EMID1: variants seen among roughly 807,000 people sequenced by gnomAD.
EMID1 encodes EMI domain-containing protein 1.
Under a neutral mutation model 60.6 loss-of-function variants are expected in EMID1, and 40 were observed. That is an observed-to-expected ratio of 0.66 (90% CI 0.51 to 0.86). The LOEUF (loss-of-function observed/expected upper bound fraction) is 0.86. EMID1 is among the 40% of genes least tolerant of loss of function. EMID1 has a pLI of 0.00. For synonymous variants in EMID1, 242 were observed against 231.0 expected (o/e 1.05, Z -0.43); for missense variants, 585 against 597.1 (o/e 0.98, Z 0.21).
intron 13 of EMID1, among the ~76,000 whole-genome samples, chr22:29,253,582 C>G (rs2041600546): frequency 6.6e-6 from 1 of 150,714 alleles, no homozygotes; most frequent in Non-Finnish European, 1.5e-5. Context: ...AACTTCGTCT[C>G]AAAAAAAAAT....
rs895963119 is a variant in EMID1 at position 29,226,490 on chromosome 22, G to A, written c.404G>A (p.Gly135Asp). The A allele has an allele frequency of 5.6e-6, 9 of 1,611,492 alleles. No individual in the cohort carries two copies. In the African/African-American group the frequency reaches 9.3e-5, roughly 17 times the overall value. The part of the protein sequence containing the change: ...RMALRPTAFS[G>D]CLNCSKVSEL... ...GCCCCAGCTTCCTCCCTCCCCGCAGGTTGTCTCAACTGCAGCAAAGTGTCA... is the reference window on the plus strand; with the variant it reads ...GCCCCAGCTTCCTCCCTCCCCGCAGATTGTCTCAACTGCAGCAAAGTGTCA... Residue 135 changes from glycine to aspartate, a missense_variant and splice_region_variant, in exon 5 of 15, where the codon GGT becomes GAT. Gly to Asp is a moderately conservative substitution (Grantham distance 94). Transcript: ENST00000334018.
At chr22:29,225,779 C>G (rs2040483373) in intron 4 of EMID1, among the ~76,000 whole-genome samples, 1 of 152,226 alleles carries the variant, frequency 6.6e-6, no homozygotes, top group South Asian at 2.1e-4. Flanking sequence ...GGGTGACACT[C>G]CCGTGAGGAG....
intron 1 of EMID1, among the ~76,000 whole-genome samples, chr22:29,210,441 G>A (rs901510571): frequency 1.3e-5 from 2 of 151,882 alleles, no homozygotes; most frequent in Non-Finnish European, 2.9e-5. Flanking sequence ...TCTCCATGTT[G>A]GTCAGGCTGG....
intron 12 of EMID1, among the ~76,000 whole-genome samples, chr22:29,236,536 C>T (rs2040955150): frequency 1.3e-5 from 2 of 151,888 alleles, no homozygotes; most frequent in South Asian, 4.2e-4. Context: ...ACTAAAAACA[C>T]AAAAATTAGC....
intron 14 of EMID1, chr22:29,255,206 T>TGG: frequency 1.5e-5 from 5 of 341,104 alleles, no homozygotes; most frequent in Non-Finnish European, 2.6e-5. Flanking sequence ...CCTCCCCGCT[T>TGG]GGCTCCCCAG....
chr22:29,215,714 A>G, intron 3 of EMID1, 84 bp downstream of exon 3: 3 of 1,093,450 alleles, frequency 2.7e-6, no homozygotes, highest in Non-Finnish European at 4.2e-6. Context: ...TGAACTATTA[A>G]GAGAGTCATG....
In EMID1 at chr22:29,233,283, A is replaced by G; in HGVS notation, c.824-96A>G. On this transcript the variant is annotated intron_variant, in intron 8 of 14. Transcript: ENST00000334018. ...TACCAGCCATGCTGCAGGCTGCCCC[A>G]TAGGGCAGTCCAAGCTGTCTTGGCA... The G allele has an allele frequency of 2.2e-6, 3 of 1,344,996 alleles. No homozygotes were observed. In the Admixed American group the frequency reaches 5.1e-5, roughly 23 times the overall value. 83.3% of individuals were successfully genotyped at this position (1,344,996 alleles called of 1,614,324 possible). A position where few individuals can be genotyped will look rare whatever the true frequency, so the allele number is the denominator to read the frequency against.
Position 29,214,935 on chromosome 22 carries a change from CTCCTATGTGG to C in EMID1, c.113_122del (p.Ser38Ter). The C allele has an allele frequency of 6.5e-7, 1 of 1,527,226 alleles. No individual in the cohort carries two copies. The highest frequency in any genetic ancestry group is 8.9e-7 in the Non-Finnish European group (1 of 1,129,252). The allele number at this position is 1,527,226 out of a possible 1,614,324, so 94.6% of individuals were successfully genotyped here. A position where few individuals can be genotyped will look rare whatever the true frequency, so the allele number is the denominator to read the frequency against. On this transcript the variant is annotated frameshift_variant, in exon 2 of 15. Transcript: ENST00000334018. LOFTEE classifies it high-confidence loss of function. ...TTTGGGTCTGTTTCAGGAACTGGTGCTCCTATGTGGTGACCCGCACCATCTCATGCCATGT... is the reference window on the plus strand; with the variant it reads ...TTTGGGTCTGTTTCAGGAACTGGTGCTGACCCGCACCATCTCATGCCATGT...
At chr22:29,257,136 C>G (rs1025357686) in intron 14 of EMID1, among the ~76,000 whole-genome samples, 2 of 152,184 alleles carry the variant, frequency 1.3e-5, no homozygotes, top group African/African-American at 2.4e-5. Context: ...GTGCCAGACA[C>G]CTCAGAAGTC....
intron 14 of EMID1, among the ~76,000 whole-genome samples, 179 bp from the exon 15 acceptor site, chr22:29,258,638 T>C (rs1397099775): frequency 6.6e-6 from 1 of 152,212 alleles, no homozygotes. Flanking sequence ...TGGTAAGTCC[T>C]GGCGTGAGGC....
chr22:29,220,122 C>A (rs2040237461), intron 3 of EMID1, among the ~76,000 whole-genome samples: 1 of 152,062 alleles, frequency 6.6e-6, no homozygotes. Context: ...TGAACCTCAC[C>A]CTCCTTCTGT....
chr22:29,233,466 T>C lies in EMID1; in HGVS notation c.911T>C (p.Met304Thr). ...GGGCCTCCAGGCCCTCCAGGGCCCA[T>C]GGGTAAGTTGAGTCCAGGCCAGGGG... ...PTGPPGPPGP[M>T]GPPGPPGPTG... is the part of the protein sequence containing the mutation. Residue 304 changes from methionine (M) to threonine (T), a missense_variant and splice_region_variant, in exon 9 of 15, where the codon ATG becomes ACG. Transcript: ENST00000334018. 6.2e-7 allele frequency: 1 copy of C among 1,613,610 alleles called. No homozygotes were observed. Among genetic ancestry groups the C allele is most frequent in the Non-Finnish European group, 8.5e-7 (1 of 1,179,566 alleles).
intron 3 of EMID1, among the ~76,000 whole-genome samples, chr22:29,224,252 A>G (rs541566048): frequency 2.6e-5 from 4 of 152,300 alleles, no homozygotes; most frequent in South Asian, 4.1e-4. Flanking sequence ...CCGAGCTGCC[A>G]GGCCCGCGCC....
intron 12 of EMID1, among the ~76,000 whole-genome samples, chr22:29,236,453 G>A (rs1187053474): frequency 6.6e-6 from 1 of 152,146 alleles, no homozygotes; most frequent in Admixed American, 6.5e-5. Flanking sequence ...CACTTTGGGA[G>A]GTGGAGGCAG....
At chr22:29,246,397 C>T (rs73401064) in intron 13 of EMID1, among the ~76,000 whole-genome samples, 2,200 of 151,912 alleles carry the variant, frequency 0.014, 56 homozygotes, top group African/African-American at 0.051. Flanking sequence ...ATTGCCATGG[C>T]GAATGGATGG....
chr22:29,215,052 G>GAGA lies in EMID1; in HGVS notation c.215+16_215+18dup. ...GTCCGGGGAGCAGGTAAATGAGGTGGAGAAGGAACTGATGGCATTCCAGGT... is the reference window on the plus strand; with the variant it reads ...GTCCGGGGAGCAGGTAAATGAGGTGGAGAAGAAGGAACTGATGGCATTCCAGGT... On this transcript the variant is annotated intron_variant, in intron 2 of 14. Coordinates refer to ENST00000334018, the MANE Select transcript of EMID1 (RefSeq NM_133455.4). 1.3e-6 allele frequency: 2 copies of GAGA among 1,524,802 alleles called. No individual in the cohort carries two copies. Among genetic ancestry groups the GAGA allele is most frequent in the Non-Finnish European group, 1.8e-6 (2 of 1,129,000 alleles). The allele number at this position is 1,524,802 out of a possible 1,614,324, so 94.5% of individuals were successfully genotyped here.
At chr22:29,218,264 A>G (rs941205755) in intron 3 of EMID1, among the ~76,000 whole-genome samples, 1 of 152,182 alleles carries the variant, frequency 6.6e-6, no homozygotes, top group Non-Finnish European at 1.5e-5. Context: ...CTGCTCAAGA[A>G]ACGGACCTTG....
intron 12 of EMID1, among the ~76,000 whole-genome samples, chr22:29,235,097 T>C (rs1209299536): frequency 6.6e-6 from 1 of 152,246 alleles, no homozygotes; most frequent in South Asian, 2.1e-4. Flanking sequence ...CCTGTAATCC[T>C]AGCACTTTGG....
intron 13 of EMID1, among the ~76,000 whole-genome samples, chr22:29,247,384 T>C (rs1362879594): frequency 6.6e-6 from 1 of 152,230 alleles, no homozygotes; most frequent in East Asian, 1.9e-4. Flanking sequence ...GGATATGTCC[T>C]GGAAAATATG....
Sources: allele counts gnomAD v4.1 joint callset (sites outside exome capture counted in the v4.1 genomes callset), GRCh38; gene constraint gnomAD v4.1.1; transcripts MANE v1.5; gene names NCBI Gene and HGNC (gene_info 2026-07-23, HGNC 2026-07-21).